Variants in ATF6 observed in about 807,000 individuals in gnomAD.
The protein encoded by ATF6 is cyclic AMP-dependent transcription factor ATF-6 alpha.
Under a neutral mutation model 83.6 loss-of-function variants are expected in ATF6, and 53 were observed. The observed-to-expected ratio is 0.63, with a 90% CI of 0.51 to 0.80. The LOEUF is 0.80. Among genes scored for constraint, ATF6 ranks in the 30% least tolerant of loss-of-function variants. The pLI is 0.00. For synonymous variants in ATF6, 288 were observed against 285.8 expected (o/e 1.01, Z -0.08); for missense variants, 744 against 797.9 (o/e 0.93, Z 0.81).
intron 6 of ATF6, among the ~76,000 whole-genome samples, chr1:161,792,971 A>T (rs4657106): frequency 0.21 from 31,659 of 152,126 alleles, 4,117 homozygotes; most frequent in Non-Finnish European, 0.29. Flanking sequence ...TCTTAGGTAG[A>T]TTAGTCATCA....
chr1:161,831,669 A>G (rs1357401782), intron 9 of ATF6, among the ~76,000 whole-genome samples: 1 of 152,054 alleles, frequency 6.6e-6, no homozygotes, highest in African/African-American at 2.4e-5. Flanking sequence ...TCTGGAAACC[A>G]TCATTCTCAG....
intron 7 of ATF6, among the ~76,000 whole-genome samples, chr1:161,806,156 T>G (rs886608953): frequency 2.0e-5 from 3 of 152,240 alleles, no homozygotes; most frequent in Admixed American, 2.0e-4. Context: ...CATTTCAGTG[T>G]AGAAGTTCTC....
chr1:161,783,644 A>G (rs1684683989), intron 3 of ATF6, among the ~76,000 whole-genome samples: 1 of 151,998 alleles, frequency 6.6e-6, no homozygotes, highest in Non-Finnish European at 1.5e-5. Flanking sequence ...TCCTGCTTTT[A>G]TTCCTCAGCC....
At chr1:161,824,755 T>G (rs1685850771) in intron 9 of ATF6, among the ~76,000 whole-genome samples, 1 of 152,242 alleles carries the variant, frequency 6.6e-6, no homozygotes, top group African/African-American at 2.4e-5. Context: ...CTGGTATACG[T>G]GGTACTTATT....
At chr1:161,775,086 C>A (rs188667941) in intron 1 of ATF6, among the ~76,000 whole-genome samples, 13 of 152,100 alleles carry the variant, frequency 8.5e-5, no homozygotes, top group Admixed American at 2.6e-4. Flanking sequence ...GAACAAAGGC[C>A]CCAATATGAA....
Position 161,878,802 on chromosome 1 carries a change from G to A in ATF6, c.1719+15490G>A, listed in dbSNP as rs185446296. 5.5e-4 allele frequency among the ~76,000 whole-genome samples: 84 copies of A among 152,246 alleles called. 2 individuals are homozygous for A. The East Asian group carries it at 0.016, about 28-fold the overall frequency. On this transcript the variant is annotated intron_variant, in intron 14 of 15. Transcript: ENST00000367942. ...TGGATATGTCAACATGAAAGTCACT[G>A]ATACACTTGACAAGAGCCTTTTAGT...
chr1:161,839,950 G>C (rs1686316147), intron 9 of ATF6: 1 of 152,180 alleles, frequency 6.6e-6, no homozygotes. Flanking sequence ...AAAGATTTGG[G>C]CTTTTACCAT....
intron 14 of ATF6, among the ~76,000 whole-genome samples, chr1:161,868,917 A>G (rs903773788): frequency 9.9e-5 from 15 of 152,076 alleles, no homozygotes; most frequent in African/African-American, 3.4e-4. Context: ...TTGCATCTTC[A>G]TTTAAAATTA....
intron 14 of ATF6, among the ~76,000 whole-genome samples, chr1:161,864,444 A>G (rs1324699438): frequency 7.9e-5 from 12 of 152,166 alleles, no homozygotes; most frequent in Admixed American, 6.5e-4. Context: ...TATACTAACA[A>G]TAGAATGAGC....
intron 14 of ATF6, among the ~76,000 whole-genome samples, chr1:161,885,919 T>C (rs1470355676): frequency 1.3e-5 from 2 of 152,224 alleles, no homozygotes; most frequent in Non-Finnish European, 2.9e-5. Flanking sequence ...ACTAGTATGT[T>C]TGAAGCATTT....
Position 161,778,216 on chromosome 1 carries a change from C to T in ATF6, c.83-28C>T, listed in dbSNP as rs751545172. The T allele has an allele frequency of 1.9e-5, 30 of 1,586,566 alleles. No homozygotes were observed. In the South Asian group the frequency reaches 2.9e-4, roughly 15 times the overall value. ...TTGTCAAATAATTGAATTGACAGTT[C>T]ATTTCTATTCTTTTCCTTTGTCCAA... On this transcript the variant is annotated intron_variant, in intron 1 of 15. Transcript: ENST00000367942.
rs532162836 is a variant in ATF6, at chr1:161,828,208, A to G, written c.1187+7047A>G. On this transcript the variant is annotated intron_variant, in intron 9 of 15. Transcript: ENST00000367942. ...TTTTATTTTTTCTACCTTAAGGTTA[A>G]GGAACCTTAACCTTTTGTTTTTGGC... Among the ~76,000 whole-genome samples, 3 of 152,180 alleles carry G rather than the reference A, an allele frequency of 2.0e-5. No homozygotes were observed. In the East Asian group the frequency reaches 5.8e-4, roughly 29 times the overall value.
intron 14 of ATF6, among the ~76,000 whole-genome samples, chr1:161,876,112 T>C (rs1000611025): frequency 6.6e-6 from 1 of 151,966 alleles, no homozygotes; most frequent in Admixed American, 6.6e-5. Context: ...AGAAAGTTAT[T>C]CAACACTGAA....
At chr1:161,926,714 C>G (rs1688319218) in intron 15 of ATF6, among the ~76,000 whole-genome samples, 1 of 152,228 alleles carries the variant, frequency 6.6e-6, no homozygotes, top group African/African-American at 2.4e-5. Context: ...ATCCTAGAGG[C>G]TGCCTTCCAT....
chr1:161,777,014 A>G (rs1684530864), intron 1 of ATF6, among the ~76,000 whole-genome samples: 1 of 152,240 alleles, frequency 6.6e-6, no homozygotes, highest in African/African-American at 2.4e-5. Context: ...AGTCAAGTGA[A>G]GAAAATGCTT....
At chr1:161,826,912 G>T (rs1186383336) in intron 9 of ATF6, among the ~76,000 whole-genome samples, 1 of 146,222 alleles carries the variant, frequency 6.8e-6, no homozygotes, top group Admixed American at 7.0e-5. Flanking sequence ...TTATTCAAAA[G>T]AATTTTTTGA....
At chr1:161,830,479 T>C (rs1309865770) in intron 9 of ATF6, among the ~76,000 whole-genome samples, 1 of 151,590 alleles carries the variant, frequency 6.6e-6, no homozygotes, top group East Asian at 1.9e-4. Flanking sequence ...AAAAAGAGCC[T>C]GCATCGCCAA....
intron 14 of ATF6, among the ~76,000 whole-genome samples, chr1:161,893,794 T>C (rs1267469683): frequency 6.6e-6 from 1 of 152,204 alleles, no homozygotes; most frequent in African/African-American, 2.4e-5. Flanking sequence ...TTTCAACTAA[T>C]GTTAATCATC....
At chr1:161,821,337 G>C (rs1685756175) in intron 9 of ATF6, among the ~76,000 whole-genome samples, 176 bp downstream of exon 9, 1 of 152,192 alleles carries the variant, frequency 6.6e-6, no homozygotes, top group Admixed American at 6.5e-5. Flanking sequence ...GGAGAGACAA[G>C]TAGAAGGATG....
Sources: gnomAD v4.1 joint callset for allele counts (sites outside exome capture counted in the v4.1 genomes callset) on GRCh38, gnomAD v4.1.1 for gene constraint, MANE v1.5 for transcripts, NCBI Gene and HGNC (gene_info 2026-07-23, HGNC 2026-07-21) for gene names.